NEIL3: variants seen among roughly 807,000 people sequenced by gnomAD.
NEIL3 encodes the protein endonuclease 8-like 3.
Under a neutral mutation model 57.5 loss-of-function variants are expected in NEIL3, and 48 were observed. The ratio of observed to expected loss-of-function variants is 0.83; its 90% CI spans 0.66 to 1.06. The LOEUF is 1.06. NEIL3 is among the 50% of genes least tolerant of loss of function. The pLI is 0.00. For missense variants in NEIL3, 717 were observed against 739.1 expected (o/e 0.97, Z 0.35); for synonymous variants, 261 against 253.2 (o/e 1.03, Z -0.29).
intron 1 of NEIL3, among the ~76,000 whole-genome samples, chr4:177,315,521 T>G (rs145041829): frequency 6.6e-6 from 1 of 152,212 alleles, no homozygotes; most frequent in Non-Finnish European, 1.5e-5. Context: ...CAATTACGTA[T>G]AGTCATAGCA....
At chr4:177,322,078 C>G (rs1366842326) in intron 1 of NEIL3, among the ~76,000 whole-genome samples, 1 of 152,206 alleles carries the variant, frequency 6.6e-6, no homozygotes, top group Admixed American at 6.5e-5. Context: ...ACCACTCTTT[C>G]AGGGAACTTG....
chr4:177,346,287 C>T (rs1280216894), intron 6 of NEIL3, among the ~76,000 whole-genome samples: 2 of 152,062 alleles, frequency 1.3e-5, no homozygotes, highest in East Asian at 3.9e-4. Context: ...CTGCCTCAGC[C>T]TCCCAAGTAG....
At chr4:177,366,932 T>C (rs1735700888), downstream of NEIL3, among the ~76,000 whole-genome samples, 1 of 152,190 alleles carries the variant, frequency 6.6e-6, no homozygotes, top group African/African-American at 2.4e-5. Flanking sequence ...ACTATTGAGA[T>C]CATTCAGTGA....
At chr4:177,311,588 C>T (rs1226894155) in intron 1 of NEIL3, among the ~76,000 whole-genome samples, 6 of 150,424 alleles carry the variant, frequency 4.0e-5, no homozygotes, top group East Asian at 2.0e-4. Context: ...GCAGGAGAAT[C>T]GCTTGAATCC....
At chr4:177,319,953 C>G (rs1343762892) in intron 1 of NEIL3, among the ~76,000 whole-genome samples, 1 of 152,078 alleles carries the variant, frequency 6.6e-6, no homozygotes, top group Non-Finnish European at 1.5e-5. Flanking sequence ...AAGGCTCTCA[C>G]CATTGACTTA....
intron 5 of NEIL3, 146 bp downstream of exon 5, chr4:177,340,003 T>TA (rs1441892337): frequency 8.1e-6 from 5 of 615,516 alleles, no homozygotes; most frequent in Non-Finnish European, 2.9e-6. Context: ...TATGTGGGTG[T>TA]AATTAACATC....
rs758398277 is a variant in NEIL3 at position 177,335,742 on chromosome 4, T to TA, written c.338dup (p.Asn113LysfsTer20). The TA allele has an allele frequency of 1.3e-6, 2 of 1,597,320 alleles. No individual in the cohort carries two copies. Among genetic ancestry groups the TA allele is most frequent in the East Asian group, 4.5e-5 (2 of 44,598 alleles). On this transcript the variant is annotated frameshift_variant, in exon 3 of 10. Coordinates refer to ENST00000264596, the MANE Select transcript of NEIL3 (RefSeq NM_018248.3). LOFTEE classifies it high-confidence loss of function. ...TGATTAATCCACTTGAGTATAAATA[T>TA]AAAAATGGAGCTTCTCCTGTTTTGG...
At chr4:177,349,534 G>A (rs1398797236) in intron 6 of NEIL3, among the ~76,000 whole-genome samples, 2 of 152,062 alleles carry the variant, frequency 1.3e-5, no homozygotes, top group African/African-American at 4.8e-5. Flanking sequence ...TGGGTTAAGG[G>A]ACCATCAGCT....
intron 8 of NEIL3, among the ~76,000 whole-genome samples, chr4:177,356,743 T>C (rs946968575): frequency 2.0e-5 from 3 of 152,320 alleles, no homozygotes; most frequent in East Asian, 1.9e-4. Context: ...TTCTGATTGG[T>C]CTTGAGATAG....
intron 6 of NEIL3, 150 bp from the exon 7 acceptor site, chr4:177,351,230 A>G: frequency 2.7e-6 from 1 of 366,850 alleles, no homozygotes; most frequent in Non-Finnish European, 4.8e-6. Flanking sequence ...AAAAAAAAAA[A>G]AAAAAAAAGA....
At chr4:177,357,160 T>G (rs1735489415) in intron 8 of NEIL3, 1 of 152,182 alleles carries the variant, frequency 6.6e-6, no homozygotes, top group Non-Finnish European at 1.5e-5. Flanking sequence ...GTTTTAATCC[T>G]CGAAATAATC....
rs1408280403 is a variant in NEIL3 at position 177,349,014 on chromosome 4, C to A, written c.870-2366C>A. Among the ~76,000 whole-genome samples the A allele has an allele frequency of 8.0e-5, 12 of 149,672 alleles. No individual in the cohort carries two copies. In the Admixed American group the frequency reaches 8.0e-4, roughly 10 times the overall value. ...TCCCGAGTAGCTGGGACTACAGGCA[C>A]CCGTCACCACACCTGGCTAATTTTT... On this transcript the variant is annotated intron_variant, in intron 6 of 9. Coordinates refer to ENST00000264596, the MANE Select transcript of NEIL3 (RefSeq NM_018248.3).
At chr4:177,361,005 G>A (rs1432990138) in intron 9 of NEIL3, among the ~76,000 whole-genome samples, 1 of 152,152 alleles carries the variant, frequency 6.6e-6, no homozygotes, top group Admixed American at 6.6e-5. Flanking sequence ...AATAATCCAA[G>A]GTAAGAATTT....
intron 1 of NEIL3, among the ~76,000 whole-genome samples, chr4:177,316,115 C>A (rs1459093047): frequency 6.6e-6 from 1 of 152,044 alleles, no homozygotes; most frequent in Non-Finnish European, 1.5e-5. Context: ...ATAGCAATAA[C>A]TAATAATAGA....
At chr4:177,331,110 C>A (rs1734877588) in intron 2 of NEIL3, among the ~76,000 whole-genome samples, 1 of 152,072 alleles carries the variant, frequency 6.6e-6, no homozygotes, top group South Asian at 2.1e-4. Context: ...AAAACATACT[C>A]TAGAACTAAA....
chr4:177,339,720 T>C, intron 4 of NEIL3, 63 bp from the exon 5 acceptor site: 2 of 1,060,586 alleles, frequency 1.9e-6, no homozygotes, highest in Non-Finnish European at 1.5e-6. Flanking sequence ...TGGCAAGGCG[T>C]ATTATTTCTT....
chr4:177,353,505 G>A lies in NEIL3; in HGVS notation c.1237G>A (p.Asp413Asn). 1.9e-6 allele frequency: 3 copies of A among 1,613,458 alleles called. No individual in the cohort carries two copies. Among genetic ancestry groups the A allele is most frequent in the Non-Finnish European group, 2.5e-6 (3 of 1,179,620 alleles). ...ERKTKQNQIL[D>N]EEFQNSPPAS... is the part of the protein sequence containing the mutation. ...AAAAACAAAGCAAAACCAGATACTA[G>A]ATGAGGAGTTTCAAAACTCTCCTCC... Residue 413 changes from aspartate (D) to asparagine (N), a missense_variant, in exon 8 of 10, where the codon GAT becomes AAT. Asp to Asn is a conservative substitution (Grantham distance 23). Coordinates refer to ENST00000264596, the MANE Select transcript of NEIL3 (RefSeq NM_018248.3).
intron 2 of NEIL3, among the ~76,000 whole-genome samples, chr4:177,326,008 T>C (rs911313777): frequency 2.0e-5 from 3 of 152,172 alleles, no homozygotes; most frequent in Admixed American, 6.5e-5. Flanking sequence ...CTTCATTTTC[T>C]TAACCATATC....
chr4:177,330,264 T>TCAATGTGCTTCTA (rs1734856977), intron 2 of NEIL3, among the ~76,000 whole-genome samples: 1 of 152,114 alleles, frequency 6.6e-6, no homozygotes, highest in African/African-American at 2.4e-5. Flanking sequence ...ACCTGTCAAA[T>TCAATGTGCTTCTA]AAATCACAAA....
Sources: gnomAD v4.1 joint callset for allele counts (sites outside exome capture counted in the v4.1 genomes callset) on GRCh38, gnomAD v4.1.1 for gene constraint, MANE v1.5 for transcripts, NCBI Gene and HGNC (gene_info 2026-07-23, HGNC 2026-07-21) for gene names.